PCDH19: variants seen among roughly 807,000 people sequenced by gnomAD.
PCDH19 encodes protocadherin-19.
In PCDH19, 6 loss-of-function variants were observed where a neutral mutation model predicts 46.2. The observed-to-expected ratio is 0.13, with a 90% CI of 0.07 to 0.26. The LOEUF (loss-of-function observed/expected upper bound fraction) is 0.26, where lower values mean the gene tolerates loss of function less well. Ranked by LOEUF, PCDH19 falls within the 10% of genes least tolerant of loss-of-function variation. The pLI is 1.00. For missense variants in PCDH19, 740 were observed against 972.3 expected (o/e 0.76, Z 3.18); for synonymous variants, 481 against 415.7 (o/e 1.16, Z -1.91).
At chrX:100,328,166 T>C (rs1277879275) in intron 5 of PCDH19, among the ~76,000 whole-genome samples, 1 of 112,148 alleles carries the variant, frequency 8.9e-6, no homozygotes, top group Non-Finnish European at 1.9e-5. Flanking sequence ...ATCATGTAAG[T>C]CATTTATGCT....
intron 5 of PCDH19, among the ~76,000 whole-genome samples, chrX:100,309,187 A>T (rs1473272342): frequency 3.0e-5 from 1 of 33,443 alleles, no homozygotes; most frequent in East Asian, 1.1e-3. Context: ...CACACCATGG[A>T]AATAGTACTC....
At chrX:100,364,588 T>C (rs991343419) in intron 3 of PCDH19, among the ~76,000 whole-genome samples, 2 of 111,313 alleles carry the variant, frequency 1.8e-5, no homozygotes, top group African/African-American at 6.5e-5. Context: ...ATAAGGAATA[T>C]ACTTACCTCT....
intron 5 of PCDH19, among the ~76,000 whole-genome samples, chrX:100,324,541 T>C (rs1229189529): frequency 8.9e-6 from 1 of 111,849 alleles, no homozygotes; most frequent in Non-Finnish European, 1.9e-5. Context: ...GAAGTTGAAA[T>C]GTCTTAACAA....
chrX:100,349,962 C>A (rs1015370044), intron 4 of PCDH19, among the ~76,000 whole-genome samples: 2 of 112,403 alleles, frequency 1.8e-5, no homozygotes, highest in African/African-American at 6.5e-5. Context: ...TCCTTGGATA[C>A]TAAATTATGA....
intron 5 of PCDH19, among the ~76,000 whole-genome samples, chrX:100,314,159 C>T (rs867508559): frequency 9.0e-6 from 1 of 111,546 alleles, no homozygotes; most frequent in African/African-American, 3.3e-5. Flanking sequence ...AGTAGGGAAA[C>T]GAACTGTTTG....
At chrX:100,341,788 G>C in intron 5 of PCDH19, 115 bp downstream of exon 5, 1 of 643,914 alleles carries the variant, frequency 1.6e-6, no homozygotes, top group Non-Finnish European at 2.5e-6. Flanking sequence ...GCTGAGGTGT[G>C]AGCTCTGTAG....
chrX:100,377,604 T>C (rs764676153), intron 3 of PCDH19, among the ~76,000 whole-genome samples: 8 of 112,120 alleles, frequency 7.1e-5, no homozygotes, highest in Non-Finnish European at 9.4e-5. Flanking sequence ...GGCTAAGGCA[T>C]TGAAGTGTGA....
In PCDH19 at chrX:100,407,535, G is replaced by A. The variant is rs763654560; in HGVS notation, c.1063C>T (p.Leu355Phe). 1 of 1,211,455 alleles carries A rather than the reference G, an allele frequency of 8.3e-7. No homozygotes were observed. The highest frequency in any genetic ancestry group is 1.1e-6 in the Non-Finnish European group (1 of 895,548). Reference sequence around the variant, plus strand: ...GGGGCGCTCTCGCTGACCTCCACAAGCTCACTGTTGACTGACAGCAGGTTG... The same window carrying A: ...GGGGCGCTCTCGCTGACCTCCACAAACTCACTGTTGACTGACAGCAGGTTG... ...VINLLSVNSE[L>F]VEVSESAPPG... The change falls in exon 1 of 6, where the codon CTT (leucine) becomes TTT (phenylalanine). Residue 355 changes from leucine (L) to phenylalanine (F), a missense_variant. Transcript: ENST00000373034.
chrX:100,360,179 T>A (rs985017172), intron 3 of PCDH19, among the ~76,000 whole-genome samples: 3 of 112,014 alleles, frequency 2.7e-5, no homozygotes, highest in Non-Finnish European at 5.6e-5. Flanking sequence ...CCATTATTTA[T>A]ATTATGTGCC....
chrX:100,337,914 A>G (rs1926133768), intron 5 of PCDH19, among the ~76,000 whole-genome samples: 1 of 112,357 alleles, frequency 8.9e-6, no homozygotes, highest in Admixed American at 9.4e-5. Flanking sequence ...TGTACCCCAC[A>G]AACATGTAAA....
chrX:100,398,848 A>T (rs1401525307), intron 3 of PCDH19, among the ~76,000 whole-genome samples: 1 of 111,957 alleles, frequency 8.9e-6, no homozygotes. Flanking sequence ...CTGTAACTGG[A>T]TCTACAGCTC....
At position 100,409,685 on chromosome X, in the gene PCDH19, T is replaced by C. The variant is rs1928534641; in HGVS notation, c.-1088A>G. ...TACCGGGTGCTTCTCTTCTCTCCGTTTGGGCTGGGGTGTCGCTCCAAGGTC... is the reference window on the plus strand; with the variant it reads ...TACCGGGTGCTTCTCTTCTCTCCGTCTGGGCTGGGGTGTCGCTCCAAGGTC... On this transcript the variant is annotated 5_prime_UTR_variant, in exon 1 of 6. Coordinates refer to ENST00000373034, the MANE Select transcript of PCDH19 (RefSeq NM_001184880.2). 4.4e-6 allele frequency: 1 copy of C among 229,316 alleles called. No individual in the cohort carries two copies. Among genetic ancestry groups the C allele is most frequent in the Admixed American group, 7.2e-5 (1 of 13,961 alleles). The allele number at this position is 229,316 out of a possible 1,213,427, so 18.9% of individuals were successfully genotyped here.
intron 5 of PCDH19, among the ~76,000 whole-genome samples, chrX:100,331,285 T>C (rs183267833): frequency 8.9e-6 from 1 of 112,068 alleles, no homozygotes; most frequent in Admixed American, 9.5e-5. Flanking sequence ...CATCGCAAAC[T>C]ATGAGGAACT....
intron 3 of PCDH19, among the ~76,000 whole-genome samples, chrX:100,389,082 A>G (rs1927794080): frequency 9.0e-6 from 1 of 110,889 alleles, no homozygotes; most frequent in Non-Finnish European, 1.9e-5. Flanking sequence ...AGAGCTCTTT[A>G]TATATAAGGG....
At chrX:100,403,792 T>A (rs954304962) in intron 1 of PCDH19, 128 bp from the exon 2 acceptor site, 1 of 491,010 alleles carries the variant, frequency 2.0e-6, no homozygotes, top group Non-Finnish European at 3.2e-6. Flanking sequence ...CCCAGCAACG[T>A]GCACCAAAGA....
intron 5 of PCDH19, among the ~76,000 whole-genome samples, chrX:100,327,987 C>T: frequency 9.0e-6 from 1 of 111,699 alleles, no homozygotes; most frequent in Admixed American, 9.5e-5. Flanking sequence ...GGGTTCTGTG[C>T]CTGCATTTCT....
chrX:100,319,480 T>C (rs766942802), intron 5 of PCDH19, among the ~76,000 whole-genome samples: 1 of 111,921 alleles, frequency 8.9e-6, no homozygotes, highest in Non-Finnish European at 1.9e-5. Flanking sequence ...ACAAAATACA[T>C]TGAGGATCTT....
intron 3 of PCDH19, among the ~76,000 whole-genome samples, chrX:100,370,194 G>A (rs887289963): frequency 8.9e-6 from 1 of 112,331 alleles, no homozygotes; most frequent in African/African-American, 3.2e-5. Flanking sequence ...AGGGAAATTT[G>A]GGGACTACCA....
intron 5 of PCDH19, among the ~76,000 whole-genome samples, chrX:100,330,090 C>T (rs772804264): frequency 1.4e-4 from 16 of 111,575 alleles, no homozygotes; most frequent in Non-Finnish European, 2.8e-4. Flanking sequence ...CATTTTTTTT[C>T]AATAAGCTGA....
Sources: gnomAD v4.1 joint callset for allele counts (sites outside exome capture counted in the v4.1 genomes callset) on GRCh38, gnomAD v4.1.1 for gene constraint, MANE v1.5 for transcripts, NCBI Gene and HGNC (gene_info 2026-07-23, HGNC 2026-07-21) for gene names.